NALCN: variants seen among roughly 807,000 people sequenced by gnomAD.
NALCN encodes sodium leak channel, non-selective.
NALCN carries 111 observed loss-of-function variants against 225.3 expected under a neutral mutation model. The observed-to-expected ratio is 0.49, with a 90% CI of 0.42 to 0.58. The LOEUF is 0.58. Ranked by LOEUF, NALCN falls within the 20% of genes least tolerant of loss-of-function variation. The pLI, the probability that NALCN is intolerant of heterozygous loss-of-function variation, is 0.00. For missense variants in NALCN, 1,378 were observed against 2,202.4 expected (o/e 0.63, Z 7.49); for synonymous variants, 764 against 769.0 (o/e 0.99, Z 0.11).
chr13:101,365,106 G>A (rs1172823664), intron 6 of NALCN, among the ~76,000 whole-genome samples: 4 of 152,184 alleles, frequency 2.6e-5, no homozygotes, highest in East Asian at 1.9e-4. Context: ...GGTAAACTGC[G>A]TGTCATGCGA....
intron 10 of NALCN, among the ~76,000 whole-genome samples, chr13:101,272,141 CGTGTGAGCAT>C (rs1034016758): frequency 3.3e-5 from 5 of 150,322 alleles, no homozygotes; most frequent in African/African-American, 1.2e-4. Flanking sequence ...GGTGTGTGTG[CGTGTGAGCAT>C]GTGTGAGCCT....
intron 6 of NALCN, among the ~76,000 whole-genome samples, chr13:101,368,286 G>T (rs190013264): frequency 5.1e-4 from 78 of 151,732 alleles, no homozygotes; most frequent in Non-Finnish European, 9.0e-4. Flanking sequence ...AGTTTACTGA[G>T]AATGATGATT....
chr13:101,277,423 G>A (rs1325956738), intron 10 of NALCN, among the ~76,000 whole-genome samples: 2 of 152,078 alleles, frequency 1.3e-5, no homozygotes, highest in East Asian at 3.9e-4. Flanking sequence ...ACTGAAATGT[G>A]TGGACTAATT....
rs1402917404 is a variant in NALCN at position 101,089,766 on chromosome 13, A to G, written c.3391-5T>C. On this transcript the variant is annotated splice_polypyrimidine_tract_variant and splice_region_variant and intron_variant, in intron 29 of 43. Coordinates refer to ENST00000251127, the MANE Select transcript of NALCN (RefSeq NM_052867.4). The surrounding 1 kb of genome is among the most constrained non-coding windows in gnomAD (Gnocchi z 4.7). ...ATGAATATAGATTCCATGGATCTGC[A>G]TAAAGGAAAATATGGTTATTCATCA... 6.2e-7 allele frequency: 1 copy of G among 1,613,926 alleles called. No homozygotes were observed. Among genetic ancestry groups the G allele is most frequent in the Non-Finnish European group, 8.5e-7 (1 of 1,179,928 alleles).
At chr13:101,188,670 C>CTG (rs1158208447) in intron 14 of NALCN, among the ~76,000 whole-genome samples, 9 of 131,876 alleles carry the variant, frequency 6.8e-5, no homozygotes, top group South Asian at 2.4e-4. Flanking sequence ...GTGTGTGTGT[C>CTG]TGTGTGTGTG....
At chr13:101,080,949 G>C (rs1224108461) in intron 34 of NALCN, among the ~76,000 whole-genome samples, 1 of 152,048 alleles carries the variant, frequency 6.6e-6, no homozygotes, top group Admixed American at 6.6e-5. Flanking sequence ...ATCTCAGACT[G>C]AATGGAGGGT....
chr13:101,292,515 T>C lies in NALCN; in HGVS notation c.800-149A>G. 2 of 780,328 alleles carry C rather than the reference T, an allele frequency of 2.6e-6. No homozygotes were observed. The highest frequency in any genetic ancestry group is 4.9e-5 in the South Asian group (2 of 40,880). 48.3% of individuals were successfully genotyped at this position (780,328 alleles called of 1,614,324 possible). On this transcript the variant is annotated intron_variant, in intron 7 of 43. Coordinates refer to ENST00000251127, the MANE Select transcript of NALCN (RefSeq NM_052867.4). The surrounding 1 kb of genome is among the most constrained non-coding windows in gnomAD (Gnocchi z 4.3). ...TGATTAGAATCACATGCAACACATT[T>C]TACTGTTCTCTTAAAATTTTAATAA...
chr13:101,273,884 C>CAAAAAAAAA (rs34847260), intron 10 of NALCN, among the ~76,000 whole-genome samples: 1 of 95,868 alleles, frequency 1.0e-5, no homozygotes, highest in Non-Finnish European at 2.0e-5. Context: ...GACTCCATCT[C>CAAAAAAAAA]AAAAAAAAAA....
In NALCN at chr13:101,060,996, T is replaced by C. The variant is rs1055358011; in HGVS notation, c.4755+972A>G. Among the ~76,000 whole-genome samples, 17 of 152,344 alleles carry C rather than the reference T, an allele frequency of 1.1e-4. 1 individual carries two copies. The highest frequency in any genetic ancestry group is 8.5e-4 in the Admixed American group (13 of 15,302). On this transcript the variant is annotated intron_variant, in intron 41 of 43. Coordinates refer to ENST00000251127, the MANE Select transcript of NALCN (RefSeq NM_052867.4). ...GAAATACATGTGTCTGCAATTGACG[T>C]TGTTGCTCTGAGGAAGAGGATTGAA...
intron 30 of NALCN, among the ~76,000 whole-genome samples, chr13:101,087,017 GAAT>G (rs1211589023): frequency 6.6e-6 from 1 of 151,974 alleles, no homozygotes; most frequent in Non-Finnish European, 1.5e-5. Flanking sequence ...GGATCTAAAA[GAAT>G]AATAGGCATG....
intron 15 of NALCN, among the ~76,000 whole-genome samples, chr13:101,169,834 T>C (rs7328551): frequency 0.23 from 35,657 of 152,230 alleles, 5,181 homozygotes; most frequent in Non-Finnish European, 0.33. Context: ...TAATATAAAG[T>C]AGCCTACACA....
chr13:101,159,207 C>T (rs1027921340), intron 15 of NALCN, among the ~76,000 whole-genome samples: 1 of 152,122 alleles, frequency 6.6e-6, no homozygotes, highest in East Asian at 1.9e-4. Context: ...GATCCATGTA[C>T]AAATACAAAG....
rs1267202607 is a variant in NALCN, at chr13:101,379,881, A to G, written c.292-1228T>C. On this transcript the variant is annotated intron_variant, in intron 3 of 43. Transcript: ENST00000251127. Reference sequence around the variant, plus strand: ...AAAGACCCAACTATCCTAACTATATATGCACTTTACACAGGAACACCCAAA... The same window carrying G: ...AAAGACCCAACTATCCTAACTATATGTGCACTTTACACAGGAACACCCAAA... Among the ~76,000 whole-genome samples the G allele has an allele frequency of 9.9e-5, 15 of 152,280 alleles. No individual in the cohort carries two copies. In the South Asian group the frequency reaches 3.1e-3, roughly 32 times the overall value.
chr13:101,102,017 T>C (rs1324999694), intron 26 of NALCN, among the ~76,000 whole-genome samples: 2 of 152,068 alleles, frequency 1.3e-5, no homozygotes, highest in Admixed American at 1.3e-4. Context: ...TTTAAACCCA[T>C]CTTAAAAAAG....
In NALCN at chr13:101,345,341, C is replaced by T; in HGVS notation, c.724G>A (p.Gly242Arg). The T allele has an allele frequency of 6.2e-7, 1 of 1,613,790 alleles. No individual in the cohort carries two copies. Among genetic ancestry groups the T allele is most frequent in the Non-Finnish European group, 8.5e-7 (1 of 1,179,806 alleles). ...ELEEGYQCPPGFKCMDLEDLG... is the reference protein window; with the variant it reads ...ELEEGYQCPPRFKCMDLEDLG... ...TCTTCAAGGTCCATGCATTTAAATC[C>T]AGGTGGGCACTGGTAGCCTTCTTCT... Residue 242 changes from glycine to arginine, a missense_variant, in exon 7 of 44, where the codon GGA becomes AGA. Gly to Arg is a moderately radical substitution (Grantham distance 125). Around this residue, in one of 19 missense-constraint regions of NALCN, gnomAD observed 67 missense variants for 82.1 expected, o/e 0.82. Transcript: ENST00000251127.
In NALCN at chr13:101,089,932, C is replaced by T. The variant is rs1252611932; in HGVS notation, c.3304G>A (p.Gly1102Arg). Residue 1102 changes from glycine to arginine, a missense_variant, in exon 29 of 44, where the codon GGA (glycine) becomes AGA (arginine). Around this residue, in one of 19 missense-constraint regions of NALCN, gnomAD observed 292 missense variants for 409.5 expected, o/e 0.71. Coordinates refer to ENST00000251127, the MANE Select transcript of NALCN (RefSeq NM_052867.4). This position sits in a 1 kb window ranked among gnomAD's most constrained non-coding sequence, Gnocchi z 4.7. ...TCAAACAACGCCAGCATAGCGTTTC[C>T]CACATTGTCGAAATTAAAGTTCCGA... is the stretch of plus-strand genomic sequence containing the variant. ...NPRNFNFDNV[G>R]NAMLALFEVL... The T allele has an allele frequency of 6.2e-7, 1 of 1,613,904 alleles. No homozygotes were observed. Among genetic ancestry groups the T allele is most frequent in the Non-Finnish European group, 8.5e-7 (1 of 1,179,918 alleles).
At chr13:101,387,206 C>T (rs1435768801) in intron 3 of NALCN, among the ~76,000 whole-genome samples, 22 of 119,090 alleles carry the variant, frequency 1.8e-4, no homozygotes. Flanking sequence ...CCGGCCTGGG[C>T]GACAGAGCGA....
At chr13:101,135,521 C>G (rs2036741341) in intron 17 of NALCN, among the ~76,000 whole-genome samples, 1 of 152,196 alleles carries the variant, frequency 6.6e-6, no homozygotes, top group South Asian at 2.1e-4. Context: ...GCCTCAGCCT[C>G]CCGAGTAGCT....
chr13:101,134,641 G>A (rs1246226480), intron 17 of NALCN, among the ~76,000 whole-genome samples: 1 of 152,098 alleles, frequency 6.6e-6, no homozygotes, highest in Non-Finnish European at 1.5e-5. Context: ...ATTTTGAAAT[G>A]AATCAACTAA....
Sources: allele counts gnomAD v4.1 joint callset (sites outside exome capture counted in the v4.1 genomes callset), GRCh38; gene constraint gnomAD v4.1.1; regional missense constraint gnomAD v4.1.1; non-coding constraint Gnocchi (gnomAD v3.1); transcripts MANE v1.5; gene names NCBI Gene and HGNC (gene_info 2026-07-23, HGNC 2026-07-21).